Variants in ELMO1 observed in about 807,000 individuals in gnomAD.
The protein encoded by ELMO1 is engulfment and cell motility protein 1.
ELMO1 carries 26 observed loss-of-function variants against 98.9 expected under a neutral mutation model. The ratio of observed to expected loss-of-function variants is 0.26; its 90% CI spans 0.19 to 0.36. The LOEUF (loss-of-function observed/expected upper bound fraction) is 0.36. Ranked by LOEUF, ELMO1 falls within the 10% of genes least tolerant of loss-of-function variation. The pLI, the probability that ELMO1 is intolerant of heterozygous loss-of-function variation, is 1.00. For synonymous variants in ELMO1, 346 were observed against 346.0 expected (o/e 1.00, Z 0.00); for missense variants, 627 against 935.2 (o/e 0.67, Z 4.30).
At chr7:37,091,490 C>T (rs1043894811) in intron 15 of ELMO1, among the ~76,000 whole-genome samples, 29 of 152,230 alleles carry the variant, frequency 1.9e-4, no homozygotes, top group East Asian at 1.7e-3. Flanking sequence ...CAGCTAGGAG[C>T]TGGGCATCTT....
chr7:37,042,233 G>C (rs527497427), intron 15 of ELMO1, among the ~76,000 whole-genome samples: 3 of 150,164 alleles, frequency 2.0e-5, no homozygotes, highest in African/African-American at 7.4e-5. Flanking sequence ...AAAAAGAAGA[G>C]AGAGAAAGAA....
chr7:37,415,577 G>A (rs767219095), intron 1 of ELMO1, among the ~76,000 whole-genome samples: 13 of 152,096 alleles, frequency 8.5e-5, no homozygotes, highest in Admixed American at 3.9e-4. Context: ...TTTAATGATC[G>A]TAATAATAAT....
In ELMO1 at chr7:37,015,563, C is replaced by T. The variant is rs200794728; in HGVS notation, c.1301-2128G>A. Among the ~76,000 whole-genome samples the T allele has an allele frequency of 2.9e-3, 436 of 152,122 alleles. 2 individuals carry two copies. Among genetic ancestry groups the T allele is most frequent in the East Asian group, 4.5e-3 (23 of 5,156 alleles). On this transcript the variant is annotated intron_variant, in intron 15 of 21. Transcript: ENST00000310758. ...TTGCAGTGAACCGAGATCACACCAC[C>T]GCACTCCAGCCTGGGCGACAAGAGC...
At chr7:37,186,095 T>C (rs1791187085) in intron 13 of ELMO1, among the ~76,000 whole-genome samples, 1 of 152,186 alleles carries the variant, frequency 6.6e-6, no homozygotes, top group African/African-American at 2.4e-5. Flanking sequence ...CAAGACAGCG[T>C]GGACTTGACA....
intron 16 of ELMO1, among the ~76,000 whole-genome samples, chr7:36,897,067 C>T (rs1806066415): frequency 6.6e-6 from 1 of 152,210 alleles, no homozygotes. Context: ...TCCCTCATGT[C>T]ATGTGTTTCT....
At chr7:37,082,638 G>T (rs753700627) in intron 15 of ELMO1, among the ~76,000 whole-genome samples, 2 of 152,126 alleles carry the variant, frequency 1.3e-5, no homozygotes, top group Non-Finnish European at 2.9e-5. Context: ...GGCTGATATG[G>T]GAGGATCACT....
At chr7:37,375,902 G>T in intron 1 of ELMO1, 1 of 669,126 alleles carries the variant, frequency 1.5e-6, no homozygotes, top group Non-Finnish European at 2.7e-6. Context: ...AGAGATACGT[G>T]CAGACATAGT....
In ELMO1 at chr7:37,195,323, ATCATAAATGC is replaced by A. The variant is rs200641578; in HGVS notation, c.1086+16053_1086+16062del. ...GGCCTGTCCGCACACTGCCTTAAAT[ATCATAAATGC>A]TCATAAATGTTGGTTGCACGAACAA... On this transcript the variant is annotated intron_variant, in intron 13 of 21. Transcript: ENST00000310758. Among the ~76,000 whole-genome samples the A allele has an allele frequency of 7.8e-3, 1,184 of 152,338 alleles. 15 individuals are homozygous for A. The highest frequency in any genetic ancestry group is 0.028 in the African/African-American group (1,145 of 41,580).
chr7:36,878,895 T>TA (rs1203532174), intron 18 of ELMO1, among the ~76,000 whole-genome samples: 1 of 152,174 alleles, frequency 6.6e-6, no homozygotes, highest in Non-Finnish European at 1.5e-5. Flanking sequence ...GCACTTTTTA[T>TA]AGGTTAGGGA....
intron 16 of ELMO1, among the ~76,000 whole-genome samples, chr7:37,011,324 T>C (rs1793538912): frequency 6.6e-6 from 1 of 152,092 alleles, no homozygotes; most frequent in South Asian, 2.1e-4. Flanking sequence ...AGAGCTATGG[T>C]CACCTCCCTC....
At chr7:37,006,952 C>T (rs1425554734) in intron 16 of ELMO1, among the ~76,000 whole-genome samples, 2 of 151,972 alleles carry the variant, frequency 1.3e-5, no homozygotes, top group Non-Finnish European at 1.5e-5. Flanking sequence ...TTGGAGAGGA[C>T]ATATCTTGAT....
intron 1 of ELMO1, among the ~76,000 whole-genome samples, chr7:37,393,076 AC>A (rs1363307169): frequency 6.6e-6 from 1 of 152,158 alleles, no homozygotes; most frequent in Non-Finnish European, 1.5e-5. Flanking sequence ...ATAATACAAA[AC>A]ATCTCTCCTG....
chr7:37,272,926 T>C (rs75157864), intron 4 of ELMO1, among the ~76,000 whole-genome samples: 1,635 of 152,308 alleles, frequency 0.011, 38 homozygotes, highest in African/African-American at 0.038. Flanking sequence ...TGGGGTGATG[T>C]AAATGTTTTG....
At chr7:37,096,857 G>C (rs1250004668) in intron 14 of ELMO1, 130 bp from the exon 15 acceptor site, 1 of 816,728 alleles carries the variant, frequency 1.2e-6, no homozygotes, top group African/African-American at 1.7e-5. Context: ...TTGGGGCCAG[G>C]ACAAAATAGT....
chr7:37,353,440 G>T, intron 1 of ELMO1: 1 of 168,426 alleles, frequency 5.9e-6, no homozygotes, highest in East Asian at 1.8e-4. Context: ...TAAAGGTGGC[G>T]CGTCCGGAGT....
Position 36,855,162 on chromosome 7 carries a change from C to A in ELMO1, c.*389G>T. 4.0e-6 allele frequency: 1 copy of A among 252,292 alleles called. No individual in the cohort carries two copies. 15.6% of individuals were successfully genotyped at this position (252,292 alleles called of 1,614,324 possible). On this transcript the variant is annotated 3_prime_UTR_variant, in exon 22 of 22. Coordinates refer to ENST00000310758, the MANE Select transcript of ELMO1 (RefSeq NM_014800.11). This position sits in a 1 kb window ranked among gnomAD's most constrained non-coding sequence, Gnocchi z 4.2. ...TCCTCCAGACAGGGGCCTTGGGGCA[C>A]TGCCCTTGGTCTGGTGGGCAAGTTT...
At chr7:37,277,087 AACT>A (rs1366242393) in intron 4 of ELMO1, among the ~76,000 whole-genome samples, 4 of 152,226 alleles carry the variant, frequency 2.6e-5, no homozygotes, top group African/African-American at 7.2e-5. Context: ...GGCACTCAAA[AACT>A]ATCTGTTGAA....
chr7:37,446,155 C>T (rs1389425181), intron 1 of ELMO1, among the ~76,000 whole-genome samples: 1 of 152,156 alleles, frequency 6.6e-6, no homozygotes, highest in Non-Finnish European at 1.5e-5. Flanking sequence ...GGTATATTTC[C>T]CTGGTGGATC....
intron 15 of ELMO1, among the ~76,000 whole-genome samples, chr7:37,059,873 C>T (rs1796578655): frequency 6.6e-6 from 1 of 152,202 alleles, no homozygotes; most frequent in African/African-American, 2.4e-5. Context: ...AAATAAATGA[C>T]TTGCCCAGGG....
Sources: allele counts gnomAD v4.1 joint callset (sites outside exome capture counted in the v4.1 genomes callset), GRCh38; gene constraint gnomAD v4.1.1; non-coding constraint Gnocchi (gnomAD v3.1); transcripts MANE v1.5; gene names NCBI Gene and HGNC (gene_info 2026-07-23, HGNC 2026-07-21).